Variants in AKAP6 observed in about 807,000 individuals in gnomAD.
AKAP6 encodes A-kinase anchor protein 6.
In AKAP6, 58 loss-of-function variants were observed where a neutral mutation model predicts 188.5. The observed-to-expected ratio is 0.31, with a 90% CI of 0.25 to 0.38. AKAP6 has a LOEUF of 0.38. AKAP6 is among the 10% of genes least tolerant of loss of function. The pLI, the probability that AKAP6 is intolerant of heterozygous loss-of-function variation, is 1.00. For synonymous variants in AKAP6, 989 were observed against 998.6 expected (o/e 0.99, Z 0.18); for missense variants, 2,710 against 2,740.0 (o/e 0.99, Z 0.24).
intron 9 of AKAP6, among the ~76,000 whole-genome samples, chr14:32,703,702 G>A (rs1890701699): frequency 6.6e-6 from 1 of 152,168 alleles, no homozygotes. Flanking sequence ...AGTGGCCAAT[G>A]ATTGTATTCA....
intron 8 of AKAP6, among the ~76,000 whole-genome samples, chr14:32,694,334 C>G (rs1890306392): frequency 6.7e-6 from 1 of 148,984 alleles, no homozygotes; most frequent in Non-Finnish European, 1.5e-5. Flanking sequence ...GCACTTCAGC[C>G]TGGATAACAG....
At chr14:32,609,982 A>G (rs1249961820) in intron 7 of AKAP6, among the ~76,000 whole-genome samples, 1 of 151,948 alleles carries the variant, frequency 6.6e-6, no homozygotes, top group Non-Finnish European at 1.5e-5. Context: ...TACTTTTGAC[A>G]TCTTAGATAT....
At chr14:32,735,980 A>G (rs1363472640) in intron 11 of AKAP6, 98 bp downstream of exon 11, 2 of 874,480 alleles carry the variant, frequency 2.3e-6, no homozygotes, top group Non-Finnish European at 3.5e-6. Flanking sequence ...GTATCTGTGT[A>G]TCACTGTGCA....
intron 2 of AKAP6, among the ~76,000 whole-genome samples, chr14:32,479,375 A>C (rs1301848914): frequency 6.6e-6 from 1 of 152,184 alleles, no homozygotes; most frequent in African/African-American, 2.4e-5. Context: ...AATAAAAAAT[A>C]ATCAGTGGAC....
chr14:32,472,438 A>C (rs1201436164), intron 2 of AKAP6, among the ~76,000 whole-genome samples: 2 of 152,160 alleles, frequency 1.3e-5, no homozygotes, highest in Non-Finnish European at 1.5e-5. Flanking sequence ...ATTCAATAGA[A>C]GTGTTTTCTC....
chr14:32,825,044 C>T (rs1033816991), intron 13 of AKAP6, among the ~76,000 whole-genome samples: 3 of 151,896 alleles, frequency 2.0e-5, no homozygotes, highest in African/African-American at 7.3e-5. Flanking sequence ...TTACATAATT[C>T]TGGCAAGAAT....
At chr14:32,704,711 G>C (rs901105087) in intron 9 of AKAP6, among the ~76,000 whole-genome samples, 1 of 152,048 alleles carries the variant, frequency 6.6e-6, no homozygotes, top group Non-Finnish European at 1.5e-5. Context: ...AAAATTTAAA[G>C]ATGAAAACCA....
intron 6 of AKAP6, among the ~76,000 whole-genome samples, chr14:32,600,281 C>T (rs544347022): frequency 6.6e-6 from 1 of 152,264 alleles, no homozygotes; most frequent in South Asian, 2.1e-4. Flanking sequence ...AAAGTCTCTA[C>T]ACAGATACAC....
chr14:32,797,240 G>A (rs1007948345), intron 12 of AKAP6, among the ~76,000 whole-genome samples: 3 of 152,074 alleles, frequency 2.0e-5, no homozygotes, highest in Admixed American at 6.6e-5. Flanking sequence ...AGACCTAGAG[G>A]CAGAAATACC....
intron 12 of AKAP6, among the ~76,000 whole-genome samples, chr14:32,774,902 G>A (rs915317063): frequency 2.6e-5 from 4 of 152,078 alleles, no homozygotes; most frequent in Non-Finnish European, 5.9e-5. Flanking sequence ...TGATTTTAAC[G>A]AAGCCTTAAT....
At chr14:32,632,582 G>A (rs1366262949) in intron 7 of AKAP6, among the ~76,000 whole-genome samples, 1 of 152,026 alleles carries the variant, frequency 6.6e-6, no homozygotes, top group East Asian at 1.9e-4. Flanking sequence ...GCAGAGATGT[G>A]CATCTATATC....
At chr14:32,809,340 G>A (rs552335873) in intron 12 of AKAP6, among the ~76,000 whole-genome samples, 1 of 152,310 alleles carries the variant, frequency 6.6e-6, no homozygotes, top group African/African-American at 2.4e-5. Context: ...GATGCATAGA[G>A]CTATCTACTT....
chr14:32,456,721 A>G (rs977106850), intron 2 of AKAP6, among the ~76,000 whole-genome samples: 1 of 149,256 alleles, frequency 6.7e-6, no homozygotes, highest in African/African-American at 2.4e-5. Flanking sequence ...ACTGGTCGTG[A>G]CCAGAGTCAG....
chr14:32,480,908 A>G (rs1003163643), intron 2 of AKAP6, among the ~76,000 whole-genome samples: 2 of 152,232 alleles, frequency 1.3e-5, no homozygotes, highest in Non-Finnish European at 2.9e-5. Context: ...CACTTTAAAA[A>G]TATGAAATAC....
chr14:32,726,240 AAAT>A (rs775481905), intron 9 of AKAP6: 2 of 972,100 alleles, frequency 2.1e-6, no homozygotes. Flanking sequence ...TGAGGGGAAA[AAAT>A]AATATTTGAG....
chr14:32,537,401 G>T (rs1409061128), intron 3 of AKAP6, among the ~76,000 whole-genome samples: 2 of 152,144 alleles, frequency 1.3e-5, no homozygotes, highest in Non-Finnish European at 2.9e-5. Flanking sequence ...GTGGTTATGG[G>T]AGACTACAAA....
intron 13 of AKAP6, among the ~76,000 whole-genome samples, chr14:32,827,443 G>T (rs1184339748): frequency 6.6e-6 from 1 of 151,636 alleles, no homozygotes; most frequent in African/African-American, 2.4e-5. Flanking sequence ...GATAGAGTCT[G>T]CAACAGTAAC....
intron 11 of AKAP6, among the ~76,000 whole-genome samples, chr14:32,741,258 A>G (rs1343180355): frequency 3.3e-5 from 5 of 151,898 alleles, no homozygotes; most frequent in Admixed American, 3.3e-4. Context: ...TATCAGTTTG[A>G]ATAGGTTTTT....
chr14:32,343,640 C>T (rs987110763), intron 1 of AKAP6, among the ~76,000 whole-genome samples: 10 of 143,848 alleles, frequency 7.0e-5, no homozygotes, highest in South Asian at 2.3e-4. Flanking sequence ...CCCAGCTACT[C>T]GGGAGGCTGA....
Sources: allele counts gnomAD v4.1 joint callset (sites outside exome capture counted in the v4.1 genomes callset), GRCh38; gene constraint gnomAD v4.1.1; transcripts MANE v1.5; gene names NCBI Gene and HGNC (gene_info 2026-07-23, HGNC 2026-07-21).